Variants in TAFA1 observed in about 807,000 individuals in gnomAD.
TAFA1 encodes the protein TAFA chemokine like family member 1.
A neutral mutation model predicts 18.5 loss-of-function variants in TAFA1; 4 were observed. That is an observed-to-expected ratio of 0.22 (90% CI 0.11 to 0.49). TAFA1 has a LOEUF of 0.49. Among genes scored for constraint, TAFA1 ranks in the 20% least tolerant of loss-of-function variants. TAFA1 has a pLI of 0.98. For missense variants in TAFA1, 147 were observed against 169.0 expected (o/e 0.87, Z 0.72); for synonymous variants, 56 against 55.2 (o/e 1.01, Z -0.06).
chr3:68,001,874 C>T (rs1305794719), upstream of TAFA1, among the ~76,000 whole-genome samples: 1 of 152,066 alleles, frequency 6.6e-6, no homozygotes, highest in Non-Finnish European at 1.5e-5. Context: ...GAAGAGGAGG[C>T]CTCTGCTCAA....
chr3:68,358,502 G>C (rs2069406634), intron 2 of TAFA1, among the ~76,000 whole-genome samples: 1 of 151,878 alleles, frequency 6.6e-6, no homozygotes, highest in Non-Finnish European at 1.5e-5. Context: ...ACTAGTAACA[G>C]GTGGACTCTC....
chr3:68,245,135 C>T (rs773377189), intron 2 of TAFA1, among the ~76,000 whole-genome samples: 4 of 152,218 alleles, frequency 2.6e-5, no homozygotes, highest in African/African-American at 4.8e-5. Flanking sequence ...AGACTGGTTA[C>T]GAAATTTGAC....
intron 2 of TAFA1, among the ~76,000 whole-genome samples, chr3:68,039,406 G>A (rs1021069038): frequency 6.6e-6 from 1 of 152,092 alleles, no homozygotes; most frequent in Non-Finnish European, 1.5e-5. Flanking sequence ...TTCTGTGCAA[G>A]GAGAGTCATA....
chr3:68,505,815 A>T (rs2072739664), intron 3 of TAFA1, among the ~76,000 whole-genome samples: 1 of 152,052 alleles, frequency 6.6e-6, no homozygotes. Context: ...TTAGTCTACC[A>T]AGAAGGAGTC....
At chr3:68,187,522 A>G (rs2066285714) in intron 2 of TAFA1, among the ~76,000 whole-genome samples, 1 of 152,048 alleles carries the variant, frequency 6.6e-6, no homozygotes, top group Non-Finnish European at 1.5e-5. Flanking sequence ...CTTGGGTGAT[A>G]TAGCTCATCT....
chr3:68,038,404 C>G (rs1705096201), intron 2 of TAFA1, among the ~76,000 whole-genome samples: 1 of 152,130 alleles, frequency 6.6e-6, no homozygotes, highest in Admixed American at 6.6e-5. Flanking sequence ...GTATCGAGGT[C>G]AGTGTAACAG....
rs539455825 is a variant in TAFA1 at position 68,201,835 on chromosome 3, G to T, written c.118+195091G>T. On this transcript the variant is annotated intron_variant, in intron 2 of 4. Coordinates refer to ENST00000478136, the MANE Select transcript of TAFA1 (RefSeq NM_213609.4). ...GCAGCATCTGCTGGCTTTGGGTGAG[G>T]GCTTTCTGTGTAAAAGTTTTTTGTG... 4.4e-4 allele frequency among the ~76,000 whole-genome samples: 67 copies of T among 151,816 alleles called. 1 individual carries two copies. The highest frequency in any genetic ancestry group is 1.3e-3 in the African/African-American group (56 of 41,486).
At chr3:68,049,946 G>T (rs1575591427) in intron 2 of TAFA1, among the ~76,000 whole-genome samples, 1 of 152,090 alleles carries the variant, frequency 6.6e-6, no homozygotes. Flanking sequence ...CCCATAAATG[G>T]CTGTTCTGTG....
intron 2 of TAFA1, among the ~76,000 whole-genome samples, chr3:68,259,782 G>A (rs1575719800): frequency 6.6e-6 from 1 of 151,814 alleles, no homozygotes; most frequent in Non-Finnish European, 1.5e-5. Context: ...TTTGTACATT[G>A]ATTTTGTATC....
At chr3:68,516,663 G>A (rs569960200) in intron 3 of TAFA1, among the ~76,000 whole-genome samples, 1 of 152,238 alleles carries the variant, frequency 6.6e-6, no homozygotes, top group African/African-American at 2.4e-5. Flanking sequence ...GGAGAGGAAG[G>A]GAATGTTTCG....
chr3:68,110,343 T>C (rs767025002), intron 2 of TAFA1, among the ~76,000 whole-genome samples: 1 of 152,222 alleles, frequency 6.6e-6, no homozygotes, highest in African/African-American at 2.4e-5. Flanking sequence ...TTCCATGATG[T>C]ATATGTACCA....
At chr3:68,149,271 A>C (rs1364412037) in intron 2 of TAFA1, among the ~76,000 whole-genome samples, 1 of 152,230 alleles carries the variant, frequency 6.6e-6, no homozygotes, top group African/African-American at 2.4e-5. Flanking sequence ...ACTAAAGTAA[A>C]TGTAGAAACT....
chr3:68,217,139 A>G (rs1417297533), intron 2 of TAFA1, among the ~76,000 whole-genome samples: 1 of 152,140 alleles, frequency 6.6e-6, no homozygotes, highest in East Asian at 1.9e-4. Flanking sequence ...TACCACAGCC[A>G]AGTTAACACA....
intron 2 of TAFA1, among the ~76,000 whole-genome samples, chr3:68,232,251 A>G (rs371445451): frequency 5.9e-5 from 9 of 152,040 alleles, no homozygotes; most frequent in South Asian, 2.1e-4. Flanking sequence ...AATAACCACA[A>G]TTCTACTCTC....
intron 2 of TAFA1, among the ~76,000 whole-genome samples, chr3:68,300,186 G>T (rs1252006203): frequency 6.6e-6 from 1 of 152,168 alleles, no homozygotes; most frequent in African/African-American, 2.4e-5. Context: ...CCAGGAGGGG[G>T]ACTTTACCCT....
intron 2 of TAFA1, among the ~76,000 whole-genome samples, chr3:68,064,358 T>C (rs907561932): frequency 6.6e-6 from 1 of 152,228 alleles, no homozygotes; most frequent in Non-Finnish European, 1.5e-5. Flanking sequence ...GGACAAAGTT[T>C]CAGTTTCCTA....
intron 2 of TAFA1, among the ~76,000 whole-genome samples, chr3:68,102,462 G>T (rs934569817): frequency 6.6e-6 from 1 of 152,034 alleles, no homozygotes; most frequent in Non-Finnish European, 1.5e-5. Flanking sequence ...ATTAATAGGG[G>T]AACCAAGTAG....
chr3:68,501,336 C>CATAACCGAG (rs1477343995), intron 3 of TAFA1, among the ~76,000 whole-genome samples: 2 of 151,922 alleles, frequency 1.3e-5, no homozygotes, highest in African/African-American at 4.8e-5. Flanking sequence ...GAATGCAGGT[C>CATAACCGAG]ATAACCGAGG....
chr3:68,344,651 T>C (rs1161850450), intron 2 of TAFA1, among the ~76,000 whole-genome samples: 4 of 152,142 alleles, frequency 2.6e-5, no homozygotes, highest in Admixed American at 6.6e-5. Flanking sequence ...TTTGTGACTT[T>C]GGGTAGGTTA....
Sources: allele counts gnomAD v4.1 joint callset (sites outside exome capture counted in the v4.1 genomes callset), GRCh38; gene constraint gnomAD v4.1.1; transcripts MANE v1.5; gene names NCBI Gene and HGNC (gene_info 2026-07-23, HGNC 2026-07-21).